PRKCI: variants seen among roughly 807,000 people sequenced by gnomAD.
PRKCI encodes the protein protein kinase C iota, also known as protein kinase C iota type.
A neutral mutation model predicts 84.0 loss-of-function variants in PRKCI; 43 were observed. The ratio of observed to expected loss-of-function variants is 0.51; its 90% confidence interval spans 0.40 to 0.66. The LOEUF (loss-of-function observed/expected upper bound fraction) is 0.66, where lower values mean the gene tolerates loss of function less well. PRKCI is among the 30% of genes least tolerant of loss of function. The pLI, the probability that PRKCI is intolerant of heterozygous loss-of-function variation, is 0.00. For synonymous variants in PRKCI, 216 were observed against 234.4 expected, an observed-to-expected ratio of 0.92 and a Z score of 0.72; for missense variants, 459 against 745.6, an observed-to-expected ratio of 0.62 and a Z score of 4.48.
intron 12 of PRKCI, among the ~76,000 whole-genome samples, chr3:170,287,926 A>T (rs182302284): frequency 6.6e-6 from 1 of 150,624 alleles, no homozygotes; most frequent in East Asian, 1.9e-4. Flanking sequence ...AAAAAAAAAA[A>T]AAAAGAAAAT....
intron 2 of PRKCI, among the ~76,000 whole-genome samples, chr3:170,257,463 T>G (rs1733611884): frequency 6.6e-6 from 1 of 152,134 alleles, no homozygotes; most frequent in Non-Finnish European, 1.5e-5. Context: ...GATCACTATG[T>G]GAAAAAAAGT....
chr3:170,222,534 G>C lies in PRKCI; in HGVS notation c.-136G>C, dbSNP rs1215922711. ...CCGGCGAGGCGACCCTTGGGTCGGCGCTGCGGGCGAGGTGGGCAGGTAGGT... is the reference window on the plus strand; with the variant it reads ...CCGGCGAGGCGACCCTTGGGTCGGCCCTGCGGGCGAGGTGGGCAGGTAGGT... On this transcript the variant is annotated 5_prime_UTR_variant, in exon 1 of 18. Coordinates refer to ENST00000295797, the MANE Select transcript of PRKCI (RefSeq NM_002740.6). 5.5e-6 allele frequency: 4 copies of C among 730,120 alleles called. No individual in the cohort carries two copies. Among genetic ancestry groups the C allele is most frequent in the East Asian group, 3.4e-5 (1 of 29,790 alleles). 45.2% of individuals were successfully genotyped at this position (730,120 alleles called of 1,614,324 possible). A position where few individuals can be genotyped will look rare whatever the true frequency, so the allele number is the denominator to read the frequency against.
intron 2 of PRKCI, among the ~76,000 whole-genome samples, chr3:170,256,182 G>C (rs1200156234): frequency 6.6e-6 from 1 of 152,114 alleles, no homozygotes; most frequent in Non-Finnish European, 1.5e-5. Context: ...TAATACTGAT[G>C]AGTATTACTG....
chr3:170,228,479 G>A (rs979501714), intron 1 of PRKCI, among the ~76,000 whole-genome samples: 6 of 152,002 alleles, frequency 3.9e-5, no homozygotes, highest in African/African-American at 1.4e-4. Context: ...GGAGGGCGAG[G>A]TGGGAGAATC....
chr3:170,254,414 C>G (rs1278262679), intron 2 of PRKCI, among the ~76,000 whole-genome samples: 4 of 152,072 alleles, frequency 2.6e-5, no homozygotes, highest in African/African-American at 9.7e-5. Context: ...ACAGTTTTTT[C>G]TTTTAGTAGT....
intron 2 of PRKCI, among the ~76,000 whole-genome samples, chr3:170,253,094 AGAC>A (rs1407597279): frequency 1.3e-5 from 2 of 152,202 alleles, no homozygotes; most frequent in African/African-American, 4.8e-5. Context: ...TTGTATTGCT[AGAC>A]ACTTAAGTTG....
At chr3:170,235,755 G>A (rs1302946399) in intron 2 of PRKCI, among the ~76,000 whole-genome samples, 2 of 151,606 alleles carry the variant, frequency 1.3e-5, no homozygotes, top group Non-Finnish European at 2.9e-5. Context: ...TAGTAGAGAC[G>A]GGGGTTTCGC....
At chr3:170,292,857 T>C (rs185397072) in intron 13 of PRKCI, among the ~76,000 whole-genome samples, 151 of 151,818 alleles carry the variant, frequency 9.9e-4, no homozygotes, top group African/African-American at 3.5e-3. Context: ...CTGGCTAACA[T>C]GGTGAAACCC....
At chr3:170,282,052 A>G in intron 11 of PRKCI, 84 bp downstream of exon 11, 1 of 1,402,234 alleles carries the variant, frequency 7.1e-7, no homozygotes, top group Non-Finnish European at 9.7e-7. Flanking sequence ...CAGTAGATAA[A>G]TAATTTATTT....
intron 13 of PRKCI, among the ~76,000 whole-genome samples, chr3:170,293,040 CAA>C (rs1202831307): frequency 3.6e-4 from 24 of 66,152 alleles, no homozygotes; most frequent in Admixed American, 1.3e-3. Context: ...GACCCCATCT[CAA>C]AAAAAAAAAA....
intron 2 of PRKCI, among the ~76,000 whole-genome samples, chr3:170,237,935 A>G (rs557829359): frequency 3.3e-5 from 5 of 151,704 alleles, no homozygotes; most frequent in Middle Eastern, 3.4e-3. Flanking sequence ...ACGTGTATGT[A>G]TGTTTCTATA....
chr3:170,253,056 T>C (rs1733493749), intron 2 of PRKCI, among the ~76,000 whole-genome samples: 1 of 152,246 alleles, frequency 6.6e-6, no homozygotes, highest in Non-Finnish European at 1.5e-5. Context: ...AGGATCTCAT[T>C]CTTTTTTGTG....
At chr3:170,247,459 G>A (rs1055451206) in intron 2 of PRKCI, among the ~76,000 whole-genome samples, 4 of 151,622 alleles carry the variant, frequency 2.6e-5, no homozygotes, top group Non-Finnish European at 5.9e-5. Flanking sequence ...GGCTGGATGC[G>A]GTGGCTCACA....
chr3:170,284,397 C>A lies in PRKCI; in HGVS notation c.1068-64C>A. The A allele has an allele frequency of 2.3e-6, 3 of 1,325,316 alleles. No individual in the cohort carries two copies. The Admixed American group carries it at 7.4e-5, about 32-fold the overall frequency. 82.1% of individuals were successfully genotyped at this position (1,325,316 alleles called of 1,614,324 possible). ...TGTTTTAATATGAATTTTTGTGTTT[C>A]CAGTTGTAAATGTAGAACTTAAATA... On this transcript the variant is annotated intron_variant, in intron 11 of 17. Transcript: ENST00000295797.
chr3:170,303,874 G>T lies in PRKCI; in HGVS notation c.*747G>T. 5.8e-6 allele frequency: 1 copy of T among 173,400 alleles called. No individual in the cohort carries two copies. Among genetic ancestry groups the T allele is most frequent in the Non-Finnish European group, 1.2e-5 (1 of 80,236 alleles). The allele number at this position is 173,400 out of a possible 1,614,324, so 10.7% of individuals were successfully genotyped here. A position where few individuals can be genotyped will look rare whatever the true frequency, so the allele number is the denominator to read the frequency against. The stretch of plus-strand genomic sequence containing the variant: ...TAGCTGGGCATGGTGGCACATACCT[G>T]TAATCCCAGCTACTCGGGAGGCTGA... On this transcript the variant is annotated 3_prime_UTR_variant, in exon 18 of 18. Coordinates refer to ENST00000295797, the MANE Select transcript of PRKCI (RefSeq NM_002740.6).
At chr3:170,297,850 CA>C (rs778157174) in intron 16 of PRKCI, among the ~76,000 whole-genome samples, 25 of 148,756 alleles carry the variant, frequency 1.7e-4, no homozygotes, top group East Asian at 5.9e-4. Context: ...ACTTTTAAAA[CA>C]AAAAAAAAAT....
At chr3:170,282,204 A>G (rs2108859604) in intron 11 of PRKCI, among the ~76,000 whole-genome samples, 1 of 152,324 alleles carries the variant, frequency 6.6e-6, no homozygotes, top group African/African-American at 2.4e-5. Flanking sequence ...TTCCTAAGCA[A>G]TTGAAAAGTG....
At chr3:170,245,799 A>G (rs79722170) in intron 2 of PRKCI, among the ~76,000 whole-genome samples, 1,853 of 151,698 alleles carry the variant, frequency 0.012, 44 homozygotes, top group African/African-American at 0.043. Flanking sequence ...TTGGCCTCCA[A>G]CTCCTGGGCT....
intron 2 of PRKCI, among the ~76,000 whole-genome samples, chr3:170,243,421 A>G (rs1194980176): frequency 2.0e-5 from 3 of 152,130 alleles, no homozygotes; most frequent in African/African-American, 7.2e-5. Context: ...GTTGAAGATC[A>G]TTGGGATTGT....
Sources: allele counts gnomAD v4.1 joint callset (sites outside exome capture counted in the v4.1 genomes callset), GRCh38; gene constraint gnomAD v4.1.1; transcripts MANE v1.5; gene names NCBI Gene and HGNC (gene_info 2026-07-23, HGNC 2026-07-21).